PTP4A3: variants seen among roughly 807,000 people sequenced by gnomAD.
PTP4A3 encodes the protein protein tyrosine phosphatase type IVA 3.
Under a neutral mutation model 15.2 loss-of-function variants are expected in PTP4A3, and 9 were observed. The ratio of observed to expected loss-of-function variants is 0.59; its 90% confidence interval spans 0.36 to 1.03. The LOEUF is 1.03. Ranked by LOEUF, PTP4A3 falls within the 50% of genes least tolerant of loss-of-function variation. The pLI is 0.02. For synonymous variants in PTP4A3, 95 were observed against 102.0 expected (o/e 0.93, Z 0.41); for missense variants, 234 against 252.1 (o/e 0.93, Z 0.49).
chr8:141,394,914 G>T (rs1407664555), intron 1 of PTP4A3, among the ~76,000 whole-genome samples: 1 of 152,250 alleles, frequency 6.6e-6, no homozygotes, highest in Non-Finnish European at 1.5e-5. Flanking sequence ...CCGCGAGTTG[G>T]GTGTGTGCGG....
At position 141,431,608 on chromosome 8, in the gene PTP4A3, G is replaced by C. The variant is rs12542151; in HGVS notation, c.*564G>C. On this transcript the variant is annotated 3_prime_UTR_variant, in exon 6 of 6. Coordinates refer to ENST00000521578, the MANE Select transcript of PTP4A3 (RefSeq NM_032611.3). ...AGGCTGCTGTCTGGATCCTGGGCTG[G>C]TGCCCAGGATGGGGCTCCCGCGTGC... 87,436 of 152,548 alleles carry C rather than the reference G, an allele frequency of 0.57. 25,236 individuals are homozygous for C. Among genetic ancestry groups the C allele is most frequent in the Middle Eastern group, 0.61 (180 of 294 alleles). 9.4% of individuals were successfully genotyped at this position (152,548 alleles called of 1,614,324 possible).
In PTP4A3 at chr8:141,427,052, C is replaced by T. The variant is rs150025897; in HGVS notation, c.312C>T (p.Cys104=). 8.1e-6 allele frequency: 13 copies of T among 1,599,246 alleles called. No individual in the cohort carries two copies. The African/African-American group carries it at 1.1e-4, about 13-fold the overall frequency. ...CCGGCAGCTGCGTGGCTGTGCACTG[C>T]GTGGCGGGCCTGGGCCGGTGAGTGT... ...EAPGSCVAVH[C]VAGLGRAPVL... Residue 104 remains cysteine, a synonymous_variant, in exon 4 of 6, where the codon TGC becomes TGT. Coordinates refer to ENST00000521578, the MANE Select transcript of PTP4A3 (RefSeq NM_032611.3).
chr8:141,400,716 C>A (rs1832568987), intron 1 of PTP4A3, among the ~76,000 whole-genome samples: 1 of 152,190 alleles, frequency 6.6e-6, no homozygotes, highest in African/African-American at 2.4e-5. Flanking sequence ...CCCCTTCATC[C>A]CTATCCTGGC....
chr8:141,401,768 A>T (rs1406438378), intron 1 of PTP4A3, among the ~76,000 whole-genome samples: 3 of 152,158 alleles, frequency 2.0e-5, no homozygotes, highest in African/African-American at 7.2e-5. Flanking sequence ...GAGCTCAGAG[A>T]ACAGCAGGTG....
intron 5 of PTP4A3, among the ~76,000 whole-genome samples, chr8:141,430,131 C>T (rs1246671123): frequency 4.7e-5 from 7 of 147,692 alleles, no homozygotes; most frequent in Non-Finnish European, 3.0e-5. Context: ...CCCAGGTTTC[C>T]GCTGTAAGGA....
intron 1 of PTP4A3, among the ~76,000 whole-genome samples, chr8:141,414,534 C>G (rs1400786611): frequency 6.6e-6 from 1 of 151,838 alleles, no homozygotes; most frequent in African/African-American, 2.4e-5. Flanking sequence ...TGAGTCTCTG[C>G]ACCTGGCCGG....
chr8:141,417,639 G>T (rs1404388887), intron 1 of PTP4A3, among the ~76,000 whole-genome samples: 1 of 152,038 alleles, frequency 6.6e-6, no homozygotes, highest in Non-Finnish European at 1.5e-5. Flanking sequence ...GGGAGGGCGC[G>T]CACCGGGAGA....
At chr8:141,394,962 C>A (rs1030202814) in intron 1 of PTP4A3, among the ~76,000 whole-genome samples, 1 of 152,230 alleles carries the variant, frequency 6.6e-6, no homozygotes, top group South Asian at 2.1e-4. Context: ...GCCTGCCAGT[C>A]GGGTAGGCCA....
At chr8:141,416,979 C>T (rs1305642629) in intron 1 of PTP4A3, among the ~76,000 whole-genome samples, 1 of 152,166 alleles carries the variant, frequency 6.6e-6, no homozygotes, top group East Asian at 1.9e-4. Context: ...ACCACCCTTG[C>T]CGCTCCACCC....
chr8:141,405,732 A>G (rs928351015), intron 1 of PTP4A3, among the ~76,000 whole-genome samples: 1 of 149,896 alleles, frequency 6.7e-6, no homozygotes, highest in Non-Finnish European at 1.5e-5. Flanking sequence ...AGGGGGACAG[A>G]TGATCCCTAC....
In PTP4A3 at chr8:141,431,084, G is replaced by T. The variant is rs1443247338; in HGVS notation, c.*40G>T. The T allele has an allele frequency of 6.3e-7, 1 of 1,597,830 alleles. No homozygotes were observed. On this transcript the variant is annotated 3_prime_UTR_variant, in exon 6 of 6. Transcript: ENST00000521578. ...TGGGCCTGGTCGTCATGTAGGTCAG[G>T]ACCTTGGCTGGACCTGGAGGCCCTG...
chr8:141,418,066 C>T (rs944513751), intron 1 of PTP4A3, among the ~76,000 whole-genome samples: 1 of 152,016 alleles, frequency 6.6e-6, no homozygotes, highest in Non-Finnish European at 1.5e-5. Context: ...TTCCGGGACC[C>T]CAGCCCCGCC....
At chr8:141,412,039 C>T (rs980345271) in intron 1 of PTP4A3, among the ~76,000 whole-genome samples, 2 of 152,166 alleles carry the variant, frequency 1.3e-5, no homozygotes, top group Non-Finnish European at 2.9e-5. Flanking sequence ...GAGGGCACCA[C>T]GCGAGGCCAC....
At position 141,406,515 on chromosome 8, in the gene PTP4A3, A is replaced by T. The variant is rs1199983427; in HGVS notation, c.-854+14431A>T. On this transcript the variant is annotated intron_variant, in intron 1 of 5. Transcript: ENST00000521578. This position sits in a 1 kb window ranked among gnomAD's most constrained non-coding sequence, Gnocchi z 4.5. Reference sequence around the variant, plus strand: ...CCCTCCTGCCTCTGGCCCTTGCTCAAGCCGCGCCCCCATCTGGATGCCCAC... The same window carrying T: ...CCCTCCTGCCTCTGGCCCTTGCTCATGCCGCGCCCCCATCTGGATGCCCAC... 6.6e-6 allele frequency among the ~76,000 whole-genome samples: 1 copy of T among 151,946 alleles called. No homozygotes were observed. The highest frequency in any genetic ancestry group is 1.5e-5 in the Non-Finnish European group (1 of 67,964).
chr8:141,421,292 C>G (rs1833316706), intron 1 of PTP4A3, 96 bp from the exon 2 acceptor site: 1 of 152,254 alleles, frequency 6.6e-6, no homozygotes, highest in Admixed American at 6.5e-5. Flanking sequence ...AGAGGTGTCG[C>G]CTGTGACTGT....
At chr8:141,395,299 A>AATAAG (rs1302394061) in intron 1 of PTP4A3, among the ~76,000 whole-genome samples, 1 of 152,210 alleles carries the variant, frequency 6.6e-6, no homozygotes, top group Non-Finnish European at 1.5e-5. Context: ...GTTGTACAAA[A>AATAAG]GACAGTTCAG....
rs549090748 is a variant in PTP4A3, at chr8:141,419,780, T to C, written c.-853-1608T>C. Among the ~76,000 whole-genome samples, 215 of 152,266 alleles carry C rather than the reference T, an allele frequency of 1.4e-3. 1 individual carries two copies. Among genetic ancestry groups the C allele is most frequent in the Non-Finnish European group, 2.5e-3 (169 of 68,008 alleles). ...TTTTAGTAGAGATGGGGTTTCTCCATGTTGGTCAGGCTGGTCTTGAACTCC... is the reference window on the plus strand; with the variant it reads ...TTTTAGTAGAGATGGGGTTTCTCCACGTTGGTCAGGCTGGTCTTGAACTCC... On this transcript the variant is annotated intron_variant, in intron 1 of 5. Transcript: ENST00000521578.
In PTP4A3 at chr8:141,431,735, G is replaced by A. The variant is rs1014074042; in HGVS notation, c.*691G>A. ...ATACCGAGGTGGGAGCCCTGCCTTG[G>A]CCAGGGTGGCCGTGTTGACGGTTCT... is the stretch of plus-strand genomic sequence containing the variant. On this transcript the variant is annotated 3_prime_UTR_variant, in exon 6 of 6. Transcript: ENST00000521578. 2.0e-5 allele frequency: 3 copies of A among 152,550 alleles called. No homozygotes were observed. The highest frequency in any genetic ancestry group is 7.2e-5 in the African/African-American group (3 of 41,470). The allele number at this position is 152,550 out of a possible 1,614,324, so 9.4% of individuals were successfully genotyped here.
chr8:141,426,968 G>T lies in PTP4A3; in HGVS notation c.228G>T (p.Pro76=). ...GGCCGTTTGACGATGGGGCGCCCCCGCCCGGCAAGGTAGTGGAAGACTGGC... is the reference window on the plus strand; with the variant it reads ...GGCCGTTTGACGATGGGGCGCCCCCTCCCGGCAAGGTAGTGGAAGACTGGC... The part of the protein sequence containing the change: ...VDWPFDDGAP[P]PGKVVEDWLS... The change falls in exon 4 of 6, where the codon CCG becomes CCT. Residue 76 remains proline, a synonymous_variant. Coordinates refer to ENST00000521578, the MANE Select transcript of PTP4A3 (RefSeq NM_032611.3). 6.2e-7 allele frequency: 1 copy of T among 1,610,242 alleles called. No individual in the cohort carries two copies.
Sources: gnomAD v4.1 joint callset for allele counts (sites outside exome capture counted in the v4.1 genomes callset) on GRCh38, gnomAD v4.1.1 for gene constraint, Gnocchi (gnomAD v3.1) non-coding constraint, MANE v1.5 for transcripts, NCBI Gene and HGNC (gene_info 2026-07-23, HGNC 2026-07-21) for gene names.